MED22: variants seen among roughly 807,000 people sequenced by gnomAD.
MED22 encodes the protein mediator of RNA polymerase II transcription subunit 22.
A neutral mutation model predicts 22.7 loss-of-function variants in MED22; 22 were observed. The ratio of observed to expected loss-of-function variants is 0.97; its 90% confidence interval spans 0.69 to 1.38. The LOEUF is 1.38. Ranked by LOEUF, MED22 falls within the 40% of genes most tolerant of loss-of-function variation. MED22 has a pLI of 0.00. For synonymous variants in MED22, 134 were observed against 119.4 expected (o/e 1.12, Z -0.80); for missense variants, 247 against 263.0 (o/e 0.94, Z 0.42).
rs147925691 is a variant in MED22, at chr9:133,340,871, G to A, written c.*634C>T. On this transcript the variant is annotated 3_prime_UTR_variant, in exon 5 of 5. Transcript: ENST00000343730. ...CTGCTGGGAGACCAAGGATGGTCCT[G>A]GACTGACAAGGAATGAGGAAGAAAG... 1,146 of 152,490 alleles carry A rather than the reference G, an allele frequency of 7.5e-3. 4 individuals carry two copies. Among genetic ancestry groups the A allele is most frequent in the Non-Finnish European group, 0.012 (835 of 68,112 alleles). 9.4% of individuals were successfully genotyped at this position (152,490 alleles called of 1,614,324 possible).
At chr9:133,343,400 G>A (rs1836072750) in intron 4 of MED22, 2 of 1,226,180 alleles carry the variant, frequency 1.6e-6, no homozygotes, top group Middle Eastern at 3.1e-4. Context: ...CGTAGACTCT[G>A]ATTTCTCAGG....
At chr9:133,346,365 T>C (rs1836179195) in intron 2 of MED22, 175 bp downstream of exon 2, 4 of 725,502 alleles carry the variant, frequency 5.5e-6, no homozygotes, top group Non-Finnish European at 9.0e-6. Context: ...AAATCCATAC[T>C]GTTAGTAAGG....
chr9:133,346,160 T>C (rs2129967374), intron 2 of MED22, among the ~76,000 whole-genome samples: 2 of 152,226 alleles, frequency 1.3e-5, no homozygotes, highest in Non-Finnish European at 2.9e-5. Flanking sequence ...GTCAGCAGGC[T>C]TGCAGGCCCC....
At position 133,339,734 on chromosome 9, in the gene MED22, T is replaced by C. The variant is rs2129943495; in HGVS notation, c.*1771A>G. 4.1e-6 allele frequency: 1 copy of C among 243,802 alleles called. No individual in the cohort carries two copies. Among genetic ancestry groups the C allele is most frequent in the African/African-American group, 2.3e-5 (1 of 43,198 alleles). 15.1% of individuals were successfully genotyped at this position (243,802 alleles called of 1,614,324 possible). On this transcript the variant is annotated 3_prime_UTR_variant, in exon 5 of 5. Transcript: ENST00000343730. Reference sequence around the variant, plus strand: ...CTGAGAATGGGCCGGGGCTTAGCAATGTGGAGGCCACTGGTGACCTTAATA... The same window carrying C: ...CTGAGAATGGGCCGGGGCTTAGCAACGTGGAGGCCACTGGTGACCTTAATA...
chr9:133,339,314 G>A lies in MED22; in HGVS notation c.*2191C>T. On this transcript the variant is annotated 3_prime_UTR_variant, in exon 5 of 5. Transcript: ENST00000343730. ...GAGAGAGCTTCCTGAAACGCGTGAAGGAAAATGATCAGAAAAAGAGGGAAG... is the reference window on the plus strand; with the variant it reads ...GAGAGAGCTTCCTGAAACGCGTGAAAGAAAATGATCAGAAAAAGAGGGAAG... 2 of 709,140 alleles carry A rather than the reference G, an allele frequency of 2.8e-6. No homozygotes were observed. Among genetic ancestry groups the A allele is most frequent in the Admixed American group, 3.6e-5 (2 of 56,280 alleles). 43.9% of individuals were successfully genotyped at this position (709,140 alleles called of 1,614,324 possible).
In MED22 at chr9:133,339,006, GA is replaced by G; in HGVS notation, c.*2498del. ...TTCGCCAAAATGACGAACACAAAGG[GA>G]AAGAGGAGAGGCACCCAATATATGT... On this transcript the variant is annotated 3_prime_UTR_variant, in exon 5 of 5. Coordinates refer to ENST00000343730, the MANE Select transcript of MED22 (RefSeq NM_133640.5). 3.6e-6 allele frequency: 3 copies of G among 835,852 alleles called. No individual in the cohort carries two copies. Among genetic ancestry groups the G allele is most frequent in the Non-Finnish European group, 6.0e-6 (3 of 503,874 alleles). The allele number at this position is 835,852 out of a possible 1,614,324, so 51.8% of individuals were successfully genotyped here.
Position 133,339,430 on chromosome 9 carries a change from C to T in MED22, c.*2075G>A, listed in dbSNP as rs2129942835. On this transcript the variant is annotated 3_prime_UTR_variant, in exon 5 of 5. Transcript: ENST00000343730. ...GAGAACCAATGGGAAGGAGCCTGAG[C>T]TGCTGGAACCTCTTCCCTATGAATT... 56 of 782,384 alleles carry T rather than the reference C, an allele frequency of 7.2e-5. No individual in the cohort carries two copies. Among genetic ancestry groups the T allele is most frequent in the Non-Finnish European group, 1.1e-4 (47 of 433,112 alleles). The allele number at this position is 782,384 out of a possible 1,614,324, so 48.5% of individuals were successfully genotyped here.
intron 2 of MED22, 90 bp from the exon 3 acceptor site, chr9:133,345,342 C>T: frequency 7.8e-7 from 1 of 1,289,880 alleles, no homozygotes. Flanking sequence ...TAACTGTCAT[C>T]TACCCAGGAT....
At position 133,346,704 on chromosome 9, in the gene MED22, G is replaced by A; in HGVS notation, c.-38-4C>T. 6.2e-7 allele frequency: 1 copy of A among 1,604,086 alleles called. No homozygotes were observed. The highest frequency in any genetic ancestry group is 8.5e-7 in the Non-Finnish European group (1 of 1,178,842). On this transcript the variant is annotated splice_region_variant and splice_polypyrimidine_tract_variant and intron_variant, in intron 1 of 4. Transcript: ENST00000343730. Reference sequence around the variant, plus strand: ...GCGCAGCGGGGAGACCTGGGACCTAGAGTGCAGCACAGACCTCTGAGTGCA... The same window carrying A: ...GCGCAGCGGGGAGACCTGGGACCTAAAGTGCAGCACAGACCTCTGAGTGCA...
rs2129964186 is a variant in MED22, at chr9:133,345,190, A to G, written c.186T>C (p.His62=). 2 of 1,613,734 alleles carry G rather than the reference A, an allele frequency of 1.2e-6. No individual in the cohort carries two copies. The highest frequency in any genetic ancestry group is 8.5e-7 in the Non-Finnish European group (1 of 1,179,946). Residue 62 remains histidine, a synonymous_variant, in exon 3 of 5, where the codon CAT becomes CAC. Coordinates refer to ENST00000343730, the MANE Select transcript of MED22 (RefSeq NM_133640.5). ...CACTCACGATGTTGGCGGCTCGCAC[A>G]TGCATCTCGTAATTGTCCTGTTCAC... is the stretch of plus-strand genomic sequence containing the variant. ...TQGEQDNYEM[H]VRAANIVRAG...
At position 133,338,830 on chromosome 9, in the gene MED22, T is replaced by G; in HGVS notation, c.*2675A>C. ...CTGACCACAAGTGATCCACCCGCTT[T>G]GGCTTCTCAAAGTGCTGGGATTACA... On this transcript the variant is annotated 3_prime_UTR_variant, in exon 5 of 5. Coordinates refer to ENST00000343730, the MANE Select transcript of MED22 (RefSeq NM_133640.5). 2.5e-6 allele frequency: 1 copy of G among 394,650 alleles called. No homozygotes were observed. The highest frequency in any genetic ancestry group is 4.9e-6 in the Non-Finnish European group (1 of 204,234). 24.4% of individuals were successfully genotyped at this position (394,650 alleles called of 1,614,324 possible). A position where few individuals can be genotyped will look rare whatever the true frequency, so the allele number is the denominator to read the frequency against.
chr9:133,346,725 G>A (rs1240323418), intron 1 of MED22, 25 bp from the exon 2 acceptor site: 1 of 1,580,644 alleles, frequency 6.3e-7, no homozygotes, highest in African/African-American at 1.3e-5. Context: ...AGACCTCTGA[G>A]TGCAGGCAGA....
At chr9:133,346,292 A>G in intron 2 of MED22, 1 of 506,086 alleles carries the variant, frequency 2.0e-6, no homozygotes, top group Non-Finnish European at 3.6e-6. Flanking sequence ...TAAACTCACC[A>G]GTCATCACAA....
In MED22 at chr9:133,339,213, T is replaced by C. The variant is rs1403056049; in HGVS notation, c.*2292A>G. 2.9e-6 allele frequency: 2 copies of C among 697,556 alleles called. No individual in the cohort carries two copies. Among genetic ancestry groups the C allele is most frequent in the African/African-American group, 1.8e-5 (1 of 57,020 alleles). The allele number at this position is 697,556 out of a possible 1,614,324, so 43.2% of individuals were successfully genotyped here. ...GTTCCCCAGCATGCTGTTGGCACTGTTGTAAACAAGTAAGGGCAAGATTCT... is the reference window on the plus strand; with the variant it reads ...GTTCCCCAGCATGCTGTTGGCACTGCTGTAAACAAGTAAGGGCAAGATTCT... On this transcript the variant is annotated 3_prime_UTR_variant, in exon 5 of 5. Coordinates refer to ENST00000343730, the MANE Select transcript of MED22 (RefSeq NM_133640.5).
chr9:133,343,172 G>C (rs1015688306), intron 4 of MED22: 6 of 1,070,734 alleles, frequency 5.6e-6, no homozygotes, highest in Non-Finnish European at 6.8e-6. Flanking sequence ...CAAGCCCCAG[G>C]TCATGCTGGC....
chr9:133,339,217 A>G lies in MED22; in HGVS notation c.*2288T>C. 1 of 698,024 alleles carries G rather than the reference A, an allele frequency of 1.4e-6. No homozygotes were observed. The allele number at this position is 698,024 out of a possible 1,614,324, so 43.2% of individuals were successfully genotyped here. A position where few individuals can be genotyped will look rare whatever the true frequency, so the allele number is the denominator to read the frequency against. On this transcript the variant is annotated 3_prime_UTR_variant, in exon 5 of 5. Transcript: ENST00000343730. Reference sequence around the variant, plus strand: ...CCCAGCATGCTGTTGGCACTGTTGTAAACAAGTAAGGGCAAGATTCTTGCC... The same window carrying G: ...CCCAGCATGCTGTTGGCACTGTTGTGAACAAGTAAGGGCAAGATTCTTGCC...
rs1835981477 is a variant in MED22, at chr9:133,340,786, GGA to G, written c.*717_*718del. ...CTGGGGACCTACCAGGTGCCAATGA[GGA>G]GAGAGTGACCTTGGGCCAGGCTGTC... is the stretch of plus-strand genomic sequence containing the variant. On this transcript the variant is annotated 3_prime_UTR_variant, in exon 5 of 5. Coordinates refer to ENST00000343730, the MANE Select transcript of MED22 (RefSeq NM_133640.5). The G allele has an allele frequency of 6.6e-6, 1 of 152,326 alleles. No individual in the cohort carries two copies. The highest frequency in any genetic ancestry group is 1.5e-5 in the Non-Finnish European group (1 of 68,108). 9.4% of individuals were successfully genotyped at this position (152,326 alleles called of 1,614,324 possible).
At chr9:133,344,805 G>A (rs2129962894) in intron 3 of MED22, among the ~76,000 whole-genome samples, 4 of 152,084 alleles carry the variant, frequency 2.6e-5, no homozygotes, top group East Asian at 1.9e-4. Context: ...ATCCAATGGC[G>A]CCTACAGTTC....
At position 133,339,224 on chromosome 9, in the gene MED22, T is replaced by A. The variant is rs1835955080; in HGVS notation, c.*2281A>T. ...TGCTGTTGGCACTGTTGTAAACAAGTAAGGGCAAGATTCTTGCCAAGAGAA... is the reference window on the plus strand; with the variant it reads ...TGCTGTTGGCACTGTTGTAAACAAGAAAGGGCAAGATTCTTGCCAAGAGAA... On this transcript the variant is annotated 3_prime_UTR_variant, in exon 5 of 5. Coordinates refer to ENST00000343730, the MANE Select transcript of MED22 (RefSeq NM_133640.5). The A allele has an allele frequency of 1.5e-6, 1 of 657,804 alleles. No individual in the cohort carries two copies. 40.7% of individuals were successfully genotyped at this position (657,804 alleles called of 1,614,324 possible). A position where few individuals can be genotyped will look rare whatever the true frequency, so the allele number is the denominator to read the frequency against.
Sources: gnomAD v4.1 joint callset for allele counts (sites outside exome capture counted in the v4.1 genomes callset) on GRCh38, gnomAD v4.1.1 for gene constraint, MANE v1.5 for transcripts, NCBI Gene and HGNC (gene_info 2026-07-23, HGNC 2026-07-21) for gene names.